The following FMN2 variants were observed in gnomAD, a reference collection of about 807,000 sequenced individuals.
FMN2 encodes formin-2.
A neutral mutation model predicts 142.3 loss-of-function variants in FMN2; 51 were observed. The observed-to-expected ratio is 0.36, with a 90% CI of 0.29 to 0.45. The LOEUF (loss-of-function observed/expected upper bound fraction) is 0.45. Among genes scored for constraint, FMN2 ranks in the 20% least tolerant of loss-of-function variants. FMN2 has a pLI of 1.00. For missense variants in FMN2, 1,936 were observed against 2,122.8 expected, an observed-to-expected ratio of 0.91 and a Z score of 1.73; for synonymous variants, 882 against 869.8, an observed-to-expected ratio of 1.01 and a Z score of -0.25.
chr1:240,108,928 C>T (rs572948433), intron 1 of FMN2, among the ~76,000 whole-genome samples: 41 of 152,170 alleles, frequency 2.7e-4, no homozygotes, highest in African/African-American at 8.2e-4. Flanking sequence ...CCCAGCTACT[C>T]AGGAGGCTGA....
Position 240,208,410 on chromosome 1 carries a change from C to A in FMN2, c.3598C>A (p.Pro1200Thr), listed in dbSNP as rs1406060384. 27 of 1,590,104 alleles carry A rather than the reference C, an allele frequency of 1.7e-5. No homozygotes were observed. The highest frequency in any genetic ancestry group is 3.3e-5 in the South Asian group (3 of 90,222). ...TGGAGTGGGAATACCTCCTCCGCCC[C>A]CTCTACCTGGTGCTGGGATTCCCCC... ...LPGVGIPPPP[P>T]LPGAGIPPPP... The change falls in exon 5 of 18, where the codon CCT becomes ACT. Residue 1200 changes from proline (P) to threonine (T), a missense_variant. This residue lies in a region of FMN2 where 259 missense variants were observed against 230.9 expected (regional missense o/e 1.12). Transcript: ENST00000319653.
chr1:240,272,108 G>GTTT (rs1669037728), intron 7 of FMN2, among the ~76,000 whole-genome samples: 1 of 152,024 alleles, frequency 6.6e-6, no homozygotes, highest in Non-Finnish European at 1.5e-5. Context: ...TTGTTTGTTT[G>GTTT]TTTTGGCCAA....
At chr1:240,273,626 G>C (rs980369409) in intron 7 of FMN2, among the ~76,000 whole-genome samples, 1 of 152,246 alleles carries the variant, frequency 6.6e-6, no homozygotes, top group Middle Eastern at 3.4e-3. Context: ...ACACATTCAT[G>C]TTCTGTGTAT....
chr1:240,103,944 TC>T, intron 1 of FMN2, among the ~76,000 whole-genome samples: 1 of 151,962 alleles, frequency 6.6e-6, no homozygotes, highest in East Asian at 1.9e-4. Context: ...TGGTGCGATC[TC>T]GGCTCACTGC....
chr1:240,125,645 A>G (rs1662466259), intron 2 of FMN2, among the ~76,000 whole-genome samples: 1 of 152,234 alleles, frequency 6.6e-6, no homozygotes, highest in South Asian at 2.1e-4. Context: ...TTTAAAGCCC[A>G]GAAGTGAACA....
chr1:240,201,399 A>T (rs2103372893), intron 4 of FMN2, among the ~76,000 whole-genome samples: 1 of 152,340 alleles, frequency 6.6e-6, no homozygotes, highest in East Asian at 1.9e-4. Flanking sequence ...CTTGAATTGC[A>T]TGAACTGTAA....
chr1:240,143,556 C>G (rs772765040), intron 2 of FMN2: 13 of 1,602,126 alleles, frequency 8.1e-6, no homozygotes, highest in Non-Finnish European at 1.1e-5. Context: ...GCAGCTGCTG[C>G]ACCTTCAGCA....
chr1:240,336,242 T>G (rs534437638), intron 13 of FMN2, among the ~76,000 whole-genome samples: 1 of 152,276 alleles, frequency 6.6e-6, no homozygotes, highest in East Asian at 1.9e-4. Flanking sequence ...CACCTACAAG[T>G]GCTAGGTGCC....
intron 1 of FMN2, among the ~76,000 whole-genome samples, chr1:240,120,008 T>C (rs551922138): frequency 1.1e-4 from 16 of 152,324 alleles, no homozygotes; most frequent in African/African-American, 3.8e-4. Context: ...AAACTGAAGT[T>C]CTGTAGGGGA....
intron 15 of FMN2, among the ~76,000 whole-genome samples, chr1:240,434,884 C>G (rs1675312933): frequency 6.6e-6 from 1 of 151,196 alleles, no homozygotes; most frequent in Admixed American, 6.6e-5. Context: ...TTTACACTTT[C>G]TTTCAGGGAG....
chr1:240,321,666 A>G (rs1337449130), intron 8 of FMN2, among the ~76,000 whole-genome samples: 1 of 152,218 alleles, frequency 6.6e-6, no homozygotes, highest in Non-Finnish European at 1.5e-5. Flanking sequence ...CCAACTACCT[A>G]TCTGTATGAA....
chr1:240,177,748 ATG>A (rs1372396454), intron 2 of FMN2, 171 bp from the exon 3 acceptor site: 1 of 472,384 alleles, frequency 2.1e-6, no homozygotes, highest in African/African-American at 2.0e-5. Context: ...CGTGAAAAAA[ATG>A]TGTATCTTAG....
chr1:240,419,085 G>C (rs143098235), intron 15 of FMN2, among the ~76,000 whole-genome samples: 1,810 of 152,262 alleles, frequency 0.012, 41 homozygotes, highest in African/African-American at 0.039. Flanking sequence ...TCCAGCCTGG[G>C]CAACAAGAGC....
intron 15 of FMN2, among the ~76,000 whole-genome samples, chr1:240,418,547 G>C (rs1674658293): frequency 2.0e-5 from 3 of 152,090 alleles, no homozygotes; most frequent in Admixed American, 2.0e-4. Context: ...GTGTTTTTAA[G>C]TTTCCAAACT....
intron 7 of FMN2, among the ~76,000 whole-genome samples, chr1:240,285,708 T>A (rs1299830751): frequency 6.6e-6 from 1 of 152,134 alleles, no homozygotes; most frequent in Non-Finnish European, 1.5e-5. Flanking sequence ...TTTATAACTG[T>A]GTCACATGCT....
chr1:240,093,593 G>C lies in FMN2; in HGVS notation c.1484G>C (p.Arg495Pro), dbSNP rs903549555. ...GAGGAGCTAGGCGCCCGCACGCCCC[G>C]GGTGGGAGGCTCCGCGCACCTGCTG... ...WTEELGARTP[R>P]VGGSAHLLER... The change falls in exon 1 of 18, where the codon CGG (arginine) becomes CCG (proline). Residue 495 changes from arginine (R) to proline (P), a missense_variant. Around this residue, in one of 8 missense-constraint regions of FMN2, gnomAD observed 751 missense variants for 791.8 expected, o/e 0.95. Transcript: ENST00000319653. 2 of 1,440,870 alleles carry C rather than the reference G, an allele frequency of 1.4e-6. No individual in the cohort carries two copies. Among genetic ancestry groups the C allele is most frequent in the Non-Finnish European group, 1.8e-6 (2 of 1,107,406 alleles). 89.3% of individuals were successfully genotyped at this position (1,440,870 alleles called of 1,614,324 possible). A position where few individuals can be genotyped will look rare whatever the true frequency, so the allele number is the denominator to read the frequency against.
At chr1:240,323,217 C>G (rs1671041007) in intron 8 of FMN2, among the ~76,000 whole-genome samples, 1 of 150,666 alleles carries the variant, frequency 6.6e-6, no homozygotes, top group Non-Finnish European at 1.5e-5. Context: ...CACACTCTCA[C>G]TCTCTCTCAC....
At chr1:240,439,470 G>C (rs1179238744) in intron 16 of FMN2, among the ~76,000 whole-genome samples, 1 of 152,046 alleles carries the variant, frequency 6.6e-6, no homozygotes, top group Admixed American at 6.6e-5. Context: ...CATTTATAGA[G>C]CCTGTAAACC....
At position 240,458,239 on chromosome 1, in the gene FMN2, T is replaced by TC. The variant is rs1167679578; in HGVS notation, c.5061-14132dup. The TC allele has an allele frequency of 2.6e-5, 4 of 152,216 alleles. No homozygotes were observed. In the East Asian group the frequency reaches 5.8e-4, roughly 22 times the overall value. The allele number at this position is 152,216 out of a possible 1,614,324, so 9.4% of individuals were successfully genotyped here. Reference sequence around the variant, plus strand: ...GTAAAGGAAAAATTGTGAACTTTGTTCTCTCTTAATATGTGTGTTTCGTTG... The same window carrying TC: ...GTAAAGGAAAAATTGTGAACTTTGTTCCTCTCTTAATATGTGTGTTTCGTTG... On this transcript the variant is annotated intron_variant, in intron 16 of 17. Transcript: ENST00000319653.
Sources: gnomAD v4.1 joint callset for allele counts (sites outside exome capture counted in the v4.1 genomes callset) on GRCh38, gnomAD v4.1.1 for gene constraint, gnomAD v4.1.1 regional missense constraint, MANE v1.5 for transcripts, NCBI Gene and HGNC (gene_info 2026-07-23, HGNC 2026-07-21) for gene names.